HNRNPR: variants seen among roughly 807,000 people sequenced by gnomAD.
HNRNPR encodes heterogeneous nuclear ribonucleoprotein R.
Under a neutral mutation model 70.3 loss-of-function variants are expected in HNRNPR, and 4 were observed. The observed-to-expected ratio is 0.06, with a 90% CI of 0.03 to 0.13. HNRNPR has a LOEUF of 0.13. Among genes scored for constraint, HNRNPR ranks in the 10% least tolerant of loss-of-function variants. HNRNPR has a pLI of 1.00. For synonymous variants in HNRNPR, 241 were observed against 267.6 expected, an observed-to-expected ratio of 0.90 and a Z score of 0.97; for missense variants, 423 against 788.5, an observed-to-expected ratio of 0.54 and a Z score of 5.55.
chr1:23,328,009 A>AAG (rs1015601201), intron 5 of HNRNPR, among the ~76,000 whole-genome samples: 1 of 151,564 alleles, frequency 6.6e-6, no homozygotes, highest in East Asian at 1.9e-4. Context: ...AAAAAAAAAA[A>AAG]AAAAGAAAAG....
chr1:23,344,187 C>A (rs1485719277), intron 1 of HNRNPR, 24 bp downstream of exon 1: 2 of 152,252 alleles, frequency 1.3e-5, no homozygotes. Context: ...GGCCCCTCCC[C>A]CCACGGGCCG....
chr1:23,325,065 G>A (rs681654), intron 5 of HNRNPR, among the ~76,000 whole-genome samples: 7,590 of 151,980 alleles, frequency 0.05, 593 homozygotes, highest in African/African-American at 0.17. Context: ...GCATGAACCC[G>A]GGAGGCGGAG....
chr1:23,335,813 T>G (rs1364210075), intron 4 of HNRNPR, among the ~76,000 whole-genome samples: 1 of 152,198 alleles, frequency 6.6e-6, no homozygotes, highest in Non-Finnish European at 1.5e-5. Context: ...ACAATAACTA[T>G]TTCTAATTAA....
In HNRNPR at chr1:23,318,458, G is replaced by T. The variant is rs373714958; in HGVS notation, c.1017+25C>A. Reference sequence around the variant, plus strand: ...TACAAAATTTAAATGATGACCCTATGCCCATTCCAAGCAACTGTATTTACC... The same window carrying T: ...TACAAAATTTAAATGATGACCCTATTCCCATTCCAAGCAACTGTATTTACC... On this transcript the variant is annotated intron_variant, in intron 8 of 10. Coordinates refer to ENST00000302271, the MANE Select transcript of HNRNPR (RefSeq NM_005826.5). The surrounding 1 kb of genome is among the most constrained non-coding windows in gnomAD (Gnocchi z 4.2). 20 of 1,561,994 alleles carry T rather than the reference G, an allele frequency of 1.3e-5. No individual in the cohort carries two copies. The highest frequency in any genetic ancestry group is 1.7e-5 in the Admixed American group (1 of 59,960).
chr1:23,337,946 A>C, intron 3 of HNRNPR, 85 bp from the exon 4 acceptor site: 1 of 836,054 alleles, frequency 1.2e-6, no homozygotes, highest in Non-Finnish European at 1.9e-6. Flanking sequence ...ATTTCAGAAA[A>C]CCAGGATTTT....
chr1:23,338,806 C>T (rs1646602148), intron 2 of HNRNPR, among the ~76,000 whole-genome samples, 198 bp from the exon 3 acceptor site: 1 of 152,048 alleles, frequency 6.6e-6, no homozygotes, highest in Admixed American at 6.6e-5. Flanking sequence ...GATAAAATGT[C>T]AACAACCAAA....
chr1:23,330,923 C>T (rs566973468), intron 5 of HNRNPR, among the ~76,000 whole-genome samples: 3 of 152,272 alleles, frequency 2.0e-5, no homozygotes, highest in African/African-American at 7.2e-5. Flanking sequence ...TCAAAAATCA[C>T]AATTAAAACC....
chr1:23,343,266 T>C (rs1336554960), intron 1 of HNRNPR, among the ~76,000 whole-genome samples: 1 of 152,228 alleles, frequency 6.6e-6, no homozygotes. Context: ...AACTCCTCCC[T>C]GACTTTTTCT....
chr1:23,332,715 C>A (rs373427761), intron 5 of HNRNPR, among the ~76,000 whole-genome samples: 164 of 132,880 alleles, frequency 1.2e-3, no homozygotes, highest in East Asian at 2.7e-3. Flanking sequence ...AAAAAAAAAA[C>A]AAAACCAAAC....
At position 23,343,665 on chromosome 1, in the gene HNRNPR, G is replaced by C. The variant is rs1351049182; in HGVS notation, c.-10+546C>G. The stretch of plus-strand genomic sequence containing the variant: ...CCGCGGCATGCAGAATGTGGGAGGG[G>C]AGGGAGGCTTCCCACACAAATCGGC... On this transcript the variant is annotated intron_variant, in intron 1 of 10. Transcript: ENST00000302271. Among the ~76,000 whole-genome samples, 3 of 152,210 alleles carry C rather than the reference G, an allele frequency of 2.0e-5. No individual in the cohort carries two copies. In the East Asian group the frequency reaches 5.8e-4, roughly 29 times the overall value.
chr1:23,335,118 CGTT>C (rs1208367098), intron 4 of HNRNPR, among the ~76,000 whole-genome samples: 1 of 152,082 alleles, frequency 6.6e-6, no homozygotes, highest in East Asian at 1.9e-4. Flanking sequence ...GTGGCCTCAC[CGTT>C]GTTAGCCAGG....
chr1:23,333,127 T>C (rs1286919273), intron 5 of HNRNPR, among the ~76,000 whole-genome samples: 1 of 151,986 alleles, frequency 6.6e-6, no homozygotes, highest in African/African-American at 2.4e-5. Flanking sequence ...GGTTGCAGTT[T>C]GCTGAGACCG....
At position 23,308,945 on chromosome 1, in the gene HNRNPR, T is replaced by C. The variant is rs896793281; in HGVS notation, c.*1509A>G. 7 of 152,096 alleles carry C rather than the reference T, an allele frequency of 4.6e-5. No homozygotes were observed. The highest frequency in any genetic ancestry group is 1.7e-4 in the African/African-American group (7 of 41,450). 9.4% of individuals were successfully genotyped at this position (152,096 alleles called of 1,614,324 possible). ...ATTATAAAAACATTTGAGAACCACG[T>C]AAGAATAAGATGGAGGGGAAAACTT... On this transcript the variant is annotated 3_prime_UTR_variant, in exon 11 of 11. Coordinates refer to ENST00000302271, the MANE Select transcript of HNRNPR (RefSeq NM_005826.5).
Position 23,333,613 on chromosome 1 carries a change from C to T in HNRNPR, c.403G>A (p.Gly135Ser). ...CCTGTGGTTACATCCAGAGTATAAC[C>T]AGTTCTCTCAAGCAAGGCCTAGAGA... ...AKIKALLERT[G>S]YTLDVTTGQR... is the part of the protein sequence containing the mutation. Residue 135 changes from glycine (G) to serine (S), a missense_variant, in exon 5 of 11, where the codon GGT becomes AGT. Physicochemically the swap from Gly to Ser is moderately conservative, Grantham distance 56. Transcript: ENST00000302271. The T allele has an allele frequency of 6.2e-7, 1 of 1,609,222 alleles. No homozygotes were observed. The highest frequency in any genetic ancestry group is 8.5e-7 in the Non-Finnish European group (1 of 1,175,544).
At position 23,318,970 on chromosome 1, in the gene HNRNPR, T is replaced by C. The variant is rs1645652242; in HGVS notation, c.812-282A>G. On this transcript the variant is annotated intron_variant, in intron 7 of 10. Coordinates refer to ENST00000302271, the MANE Select transcript of HNRNPR (RefSeq NM_005826.5). This position sits in a 1 kb window ranked among gnomAD's most constrained non-coding sequence, Gnocchi z 4.2. ...CTACAATGTTTTAGAGCGTTTGATA[T>C]AACATGACTTTATTAAAGCACTAAC... Among the ~76,000 whole-genome samples, 1 of 152,210 alleles carries C rather than the reference T, an allele frequency of 6.6e-6. No homozygotes were observed. Among genetic ancestry groups the C allele is most frequent in the Non-Finnish European group, 1.5e-5 (1 of 68,032 alleles).
chr1:23,333,771 C>G (rs1403514246), intron 4 of HNRNPR, 140 bp from the exon 5 acceptor site: 1 of 560,086 alleles, frequency 1.8e-6, no homozygotes. Flanking sequence ...AGTCAAAATT[C>G]GCACTGGTTC....
chr1:23,333,044 T>A (rs1646306526), intron 5 of HNRNPR, among the ~76,000 whole-genome samples: 1 of 152,024 alleles, frequency 6.6e-6, no homozygotes, highest in Non-Finnish European at 1.5e-5. Context: ...TAGCCAGGTG[T>A]GGTGGCACGC....
Position 23,339,848 on chromosome 1 carries a change from T to G in HNRNPR, c.157+1004A>C, listed in dbSNP as rs1474565184. ...CTACGCCCAAACCATCAGCCTCTTA[T>G]CAATAACAAAACACTCTACAAGAGA... On this transcript the variant is annotated intron_variant, in intron 2 of 10. Transcript: ENST00000302271. 5.3e-5 allele frequency among the ~76,000 whole-genome samples: 8 copies of G among 152,220 alleles called. No individual in the cohort carries two copies. The East Asian group carries it at 1.4e-3, about 26-fold the overall frequency.
chr1:23,331,319 TGGGAGACCAAAGTGGGAAGATCACTTCA>T (rs1171198197), intron 5 of HNRNPR, among the ~76,000 whole-genome samples: 1 of 149,884 alleles, frequency 6.7e-6, no homozygotes, highest in Non-Finnish European at 1.5e-5. Context: ...CCCAGCATTT[TGGGAGACCAAAGTGGGAAGATCACTTCA>T]GCCCATGAGT....
Sources: gnomAD v4.1 joint callset for allele counts (sites outside exome capture counted in the v4.1 genomes callset) on GRCh38, gnomAD v4.1.1 for gene constraint, Gnocchi (gnomAD v3.1) non-coding constraint, MANE v1.5 for transcripts, NCBI Gene and HGNC (gene_info 2026-07-23, HGNC 2026-07-21) for gene names.